Variants in GPC5 observed in about 807,000 individuals in gnomAD.
GPC5 encodes glypican 5.
In GPC5, 47 loss-of-function variants were observed where a neutral mutation model predicts 53.9. The observed-to-expected ratio is 0.87, with a 90% CI of 0.69 to 1.11. The LOEUF is 1.11. Ranked by LOEUF, GPC5 falls within the 50% of genes most tolerant of loss-of-function variation. GPC5 has a pLI of 0.00. For synonymous variants in GPC5, 286 were observed against 263.3 expected (o/e 1.09, Z -0.84); for missense variants, 748 against 713.1 (o/e 1.05, Z -0.56).
chr13:92,181,719 T>G (rs148371924), intron 7 of GPC5, among the ~76,000 whole-genome samples: 1 of 152,280 alleles, frequency 6.6e-6, no homozygotes, highest in East Asian at 1.9e-4. Context: ...ACATCTCAGT[T>G]TGATGTTTGT....
Position 92,349,761 on chromosome 13 carries a change from C to T in GPC5, c.1561+204772C>T, listed in dbSNP as rs192249283. On this transcript the variant is annotated intron_variant, in intron 7 of 7. Coordinates refer to ENST00000377067, the MANE Select transcript of GPC5 (RefSeq NM_004466.6). Reference sequence around the variant, plus strand: ...GAATCAGTAATAAAAATTTTCCCATCGAAGAAAAACCCAAGACCTGATGGC... The same window carrying T: ...GAATCAGTAATAAAAATTTTCCCATTGAAGAAAAACCCAAGACCTGATGGC... Among the ~76,000 whole-genome samples the T allele has an allele frequency of 8.5e-5, 13 of 152,122 alleles. No homozygotes were observed. In the East Asian group the frequency reaches 2.3e-3, roughly 27 times the overall value.
intron 5 of GPC5, among the ~76,000 whole-genome samples, chr13:91,777,813 T>G (rs967570107): frequency 6.6e-6 from 1 of 152,202 alleles, no homozygotes; most frequent in African/African-American, 2.4e-5. Flanking sequence ...AAAATACTTC[T>G]TAAAATCCCA....
At chr13:92,582,144 C>T (rs1351809715) in intron 7 of GPC5, among the ~76,000 whole-genome samples, 2 of 151,984 alleles carry the variant, frequency 1.3e-5, no homozygotes, top group Non-Finnish European at 2.9e-5. Context: ...TAGTTTTGCC[C>T]CTATACTTTC....
chr13:92,495,354 T>C (rs1879931366), intron 7 of GPC5, among the ~76,000 whole-genome samples: 1 of 152,196 alleles, frequency 6.6e-6, no homozygotes, highest in Non-Finnish European at 1.5e-5. Context: ...TCAATTACAA[T>C]GATGTCTTTT....
At chr13:91,775,689 T>C (rs522812) in intron 5 of GPC5, among the ~76,000 whole-genome samples, 56,693 of 152,110 alleles carry the variant, frequency 0.37, 12,404 homozygotes, top group African/African-American at 0.61. Context: ...GATCAACTGA[T>C]CATTTCTTTC....
At chr13:92,825,400 G>A (rs1463889181) in intron 7 of GPC5, among the ~76,000 whole-genome samples, 1 of 152,044 alleles carries the variant, frequency 6.6e-6, no homozygotes. Flanking sequence ...AAAGACAAGG[G>A]TGGTATATAA....
intron 6 of GPC5, among the ~76,000 whole-genome samples, chr13:92,143,005 GATA>G (rs1417901887): frequency 2.6e-5 from 4 of 152,110 alleles, no homozygotes; most frequent in Non-Finnish European, 4.4e-5. Context: ...TAATAGAATA[GATA>G]ATAATCAAAA....
intron 2 of GPC5, among the ~76,000 whole-genome samples, chr13:91,634,053 T>G (rs576662493): frequency 8.5e-5 from 13 of 152,250 alleles, no homozygotes. Context: ...TATCTCTCAG[T>G]TGGTGTCAAG....
intron 7 of GPC5, among the ~76,000 whole-genome samples, chr13:92,245,048 A>AC (rs1444516551): frequency 4.6e-5 from 7 of 151,474 alleles, no homozygotes; most frequent in South Asian, 2.1e-4. Flanking sequence ...AAAAAAAAAA[A>AC]AAAAAACTTG....
chr13:92,162,571 A>G lies in GPC5; in HGVS notation c.1561+17582A>G, dbSNP rs139148617. Among the ~76,000 whole-genome samples the G allele has an allele frequency of 5.7e-4, 87 of 152,314 alleles. No individual in the cohort carries two copies. In the East Asian group the frequency reaches 0.014, roughly 25 times the overall value. On this transcript the variant is annotated intron_variant, in intron 7 of 7. Coordinates refer to ENST00000377067, the MANE Select transcript of GPC5 (RefSeq NM_004466.6). ...TAGGGTTATGGATAACCAGGGGAGC[A>G]ATCACTACAAAAACGTGAAGCAGAA...
At chr13:91,430,332 C>G (rs1029972497) in intron 1 of GPC5, among the ~76,000 whole-genome samples, 2 of 152,160 alleles carry the variant, frequency 1.3e-5, no homozygotes, top group Non-Finnish European at 1.5e-5. Context: ...CAACTGTGCC[C>G]TTGGGAAGAC....
chr13:91,407,617 C>A (rs1877420514), intron 1 of GPC5, among the ~76,000 whole-genome samples: 1 of 152,096 alleles, frequency 6.6e-6, no homozygotes, highest in African/African-American at 2.4e-5. Flanking sequence ...CAGTAAGGAA[C>A]TAGAAAATAA....
intron 1 of GPC5, among the ~76,000 whole-genome samples, chr13:91,422,408 G>A (rs1878699426): frequency 6.6e-6 from 1 of 152,096 alleles, no homozygotes; most frequent in Non-Finnish European, 1.5e-5. Context: ...GGCCGAGGTG[G>A]GTGGATCACC....
At chr13:91,430,747 A>G (rs1324916116) in intron 1 of GPC5, among the ~76,000 whole-genome samples, 2 of 152,076 alleles carry the variant, frequency 1.3e-5, no homozygotes, top group Non-Finnish European at 2.9e-5. Context: ...GATTTTTGCC[A>G]ATTTGGGTTA....
At chr13:91,732,537 T>A (rs1594494778) in intron 4 of GPC5, among the ~76,000 whole-genome samples, 1 of 152,188 alleles carries the variant, frequency 6.6e-6, no homozygotes, top group African/African-American at 2.4e-5. Flanking sequence ...TTAGATCCCA[T>A]TTGTCAATTT....
At chr13:92,856,969 GA>G (rs370532137) in intron 7 of GPC5, among the ~76,000 whole-genome samples, 1,973 of 151,586 alleles carry the variant, frequency 0.013, 30 homozygotes, top group South Asian at 0.058. Context: ...CAGAATTAGG[GA>G]AAAAAAATCA....
chr13:92,323,356 A>G lies in GPC5; in HGVS notation c.1561+178367A>G, dbSNP rs138515834. Among the ~76,000 whole-genome samples, 1,191 of 145,972 alleles carry G rather than the reference A, an allele frequency of 8.2e-3. 59 individuals are homozygous for G. The highest frequency in any genetic ancestry group is 0.07 in the Admixed American group (991 of 14,224). ...ATATAAAAATATATACATATATAACAGATACATATATATATATGTTGTGCA... is the reference window on the plus strand; with the variant it reads ...ATATAAAAATATATACATATATAACGGATACATATATATATATGTTGTGCA... On this transcript the variant is annotated intron_variant, in intron 7 of 7. Transcript: ENST00000377067.
At chr13:91,756,075 G>GAAAAAA (rs34332161) in intron 4 of GPC5, among the ~76,000 whole-genome samples, 1 of 140,736 alleles carries the variant, frequency 7.1e-6, no homozygotes, top group Non-Finnish European at 1.5e-5. Flanking sequence ...CTTTTTTTTT[G>GAAAAAA]AAAAAAAAAA....
intron 7 of GPC5, among the ~76,000 whole-genome samples, chr13:92,432,107 C>A (rs921001286): frequency 1.3e-5 from 2 of 152,198 alleles, no homozygotes; most frequent in South Asian, 2.1e-4. Flanking sequence ...GGAATTGGGG[C>A]ACTTATAAGA....
Sources: gnomAD v4.1 joint callset for allele counts (sites outside exome capture counted in the v4.1 genomes callset) on GRCh38, gnomAD v4.1.1 for gene constraint, MANE v1.5 for transcripts, NCBI Gene and HGNC (gene_info 2026-07-23, HGNC 2026-07-21) for gene names.